Variants in LRRC4C observed in about 807,000 individuals in gnomAD.
The protein encoded by LRRC4C is leucine rich repeat containing 4C.
A neutral mutation model predicts 33.6 loss-of-function variants in LRRC4C; 5 were observed. The observed-to-expected ratio is 0.15, with a 90% CI of 0.08 to 0.31. LRRC4C has a LOEUF of 0.31. Among genes scored for constraint, LRRC4C ranks in the 10% least tolerant of loss-of-function variants. The probability of loss-of-function intolerance (pLI) is 1.00; values close to 1 mark genes in which losing one functional copy is unlikely to be tolerated. For synonymous variants in LRRC4C, 329 were observed against 302.0 expected (o/e 1.09, Z -0.93); for missense variants, 560 against 796.7 (o/e 0.70, Z 3.58).
chr11:40,948,915 T>C (rs1435801984), intron 1 of LRRC4C, among the ~76,000 whole-genome samples: 1 of 152,072 alleles, frequency 6.6e-6, no homozygotes, highest in African/African-American at 2.4e-5. Context: ...ATGGTATTTC[T>C]AGTTCTAGAT....
At chr11:40,622,181 A>AT (rs1327891835) in intron 3 of LRRC4C, among the ~76,000 whole-genome samples, 1 of 151,968 alleles carries the variant, frequency 6.6e-6, no homozygotes, top group Non-Finnish European at 1.5e-5. Context: ...GATTTCAAGC[A>AT]TTTTTACATG....
rs183725545 is a variant in LRRC4C at position 40,393,359 on chromosome 11, C to A, written c.-269-73638G>T. On this transcript the variant is annotated intron_variant, in intron 3 of 6. Transcript: ENST00000528697. ...TCAACAATATTTTGCTTTAAAATAT[C>A]CAGGTAATAAAAATAGACTTTCTTA... 2.6e-5 allele frequency among the ~76,000 whole-genome samples: 4 copies of A among 151,966 alleles called. No individual in the cohort carries two copies. The East Asian group carries it at 5.8e-4, about 22-fold the overall frequency.
intron 3 of LRRC4C, among the ~76,000 whole-genome samples, chr11:40,520,112 A>G (rs1225405708): frequency 6.6e-6 from 1 of 152,204 alleles, no homozygotes; most frequent in Admixed American, 6.5e-5. Flanking sequence ...GCTCTTAAAA[A>G]TTATGCTAAA....
chr11:40,686,998 C>T (rs1430521008), intron 2 of LRRC4C, among the ~76,000 whole-genome samples: 1 of 152,076 alleles, frequency 6.6e-6, no homozygotes, highest in Non-Finnish European at 1.5e-5. Context: ...CTTGCACTTT[C>T]GTTAGCTAAC....
chr11:41,279,719 A>G (rs4643065), intron 1 of LRRC4C, among the ~76,000 whole-genome samples: 36,695 of 151,990 alleles, frequency 0.24, 5,312 homozygotes, highest in African/African-American at 0.41. Context: ...AGGAAATTTG[A>G]CTCCATGCAT....
At chr11:40,652,330 T>C (rs1353255774) in intron 2 of LRRC4C, among the ~76,000 whole-genome samples, 1 of 152,222 alleles carries the variant, frequency 6.6e-6, no homozygotes, top group Non-Finnish European at 1.5e-5. Flanking sequence ...CTCAAATAGA[T>C]TCAAACAGTG....
At chr11:40,319,503 T>A (rs529750589) in intron 4 of LRRC4C, 125 bp downstream of exon 4, 1 of 152,344 alleles carries the variant, frequency 6.6e-6, no homozygotes, top group African/African-American at 2.4e-5. Flanking sequence ...GCATCATTAA[T>A]AAAAGCAATG....
intron 3 of LRRC4C, among the ~76,000 whole-genome samples, chr11:40,640,080 G>GA (rs1329405213): frequency 1.3e-5 from 2 of 152,174 alleles, no homozygotes; most frequent in African/African-American, 4.8e-5. Context: ...TAGGTCATGT[G>GA]AAGGTAGCTT....
intron 3 of LRRC4C, among the ~76,000 whole-genome samples, chr11:40,585,476 C>CTTT (rs112444074): frequency 6.8e-6 from 1 of 147,028 alleles, no homozygotes; most frequent in Non-Finnish European, 1.5e-5. Flanking sequence ...TTTGTTATTT[C>CTTT]TTTTTTTTTT....
At chr11:40,900,863 C>A (rs1956167645) in intron 2 of LRRC4C, among the ~76,000 whole-genome samples, 1 of 151,628 alleles carries the variant, frequency 6.6e-6, no homozygotes, top group African/African-American at 2.4e-5. Context: ...TTTTTTCTCC[C>A]TACATTTACT....
intron 2 of LRRC4C, among the ~76,000 whole-genome samples, chr11:40,685,871 C>T (rs1944927071): frequency 6.6e-6 from 1 of 151,668 alleles, no homozygotes; most frequent in Non-Finnish European, 1.5e-5. Context: ...TCAACCTTGT[C>T]CTAGGTTGAA....
At chr11:41,042,839 G>A (rs1857522421) in intron 1 of LRRC4C, among the ~76,000 whole-genome samples, 1 of 151,900 alleles carries the variant, frequency 6.6e-6, no homozygotes, top group South Asian at 2.1e-4. Context: ...TCAACGACTG[G>A]CTGTAAACAA....
chr11:40,138,189 A>G (rs1857119151), intron 6 of LRRC4C, among the ~76,000 whole-genome samples: 1 of 147,204 alleles, frequency 6.8e-6, no homozygotes, highest in Admixed American at 6.8e-5. Context: ...TTTTTTAGAG[A>G]TGGAGTCTTG....
At chr11:41,443,089 A>ATTTCTT (rs1955694237) in intron 1 of LRRC4C, among the ~76,000 whole-genome samples, 1 of 105,994 alleles carries the variant, frequency 9.4e-6, no homozygotes, top group Non-Finnish European at 1.8e-5. Flanking sequence ...TGTTTGCTTC[A>ATTTCTT]TTTTTTTTTT....
chr11:40,935,429 A>G (rs769827788), intron 1 of LRRC4C, among the ~76,000 whole-genome samples: 7 of 152,164 alleles, frequency 4.6e-5, no homozygotes, highest in Non-Finnish European at 1.0e-4. Context: ...GTTTCAGTCA[A>G]CAACAGACCA....
At chr11:40,395,895 G>A (rs1949518912) in intron 3 of LRRC4C, among the ~76,000 whole-genome samples, 1 of 152,274 alleles carries the variant, frequency 6.6e-6, no homozygotes, top group Non-Finnish European at 1.5e-5. Context: ...GCTGAGACAT[G>A]AGAATTGCTT....
chr11:40,392,951 T>G (rs1459628127), intron 3 of LRRC4C, among the ~76,000 whole-genome samples: 3 of 151,926 alleles, frequency 2.0e-5, no homozygotes, highest in African/African-American at 7.3e-5. Context: ...GATCCAGCCA[T>G]CAGTAACAGA....
chr11:40,909,157 C>T (rs1278647785), intron 2 of LRRC4C, among the ~76,000 whole-genome samples: 1 of 152,064 alleles, frequency 6.6e-6, no homozygotes, highest in East Asian at 1.9e-4. Context: ...AATTATCTTG[C>T]TTTCGTGCCT....
intron 3 of LRRC4C, among the ~76,000 whole-genome samples, chr11:40,485,136 G>A (rs183459866): frequency 1.2e-4 from 18 of 152,072 alleles, no homozygotes; most frequent in Admixed American, 1.1e-3. Flanking sequence ...TCAATAAGAT[G>A]CAGAAGGCAG....
Sources: allele counts gnomAD v4.1 joint callset (sites outside exome capture counted in the v4.1 genomes callset), GRCh38; gene constraint gnomAD v4.1.1; transcripts MANE v1.5; gene names NCBI Gene and HGNC (gene_info 2026-07-23, HGNC 2026-07-21).